Variants in SFMBT1 observed in about 807,000 individuals in gnomAD.
The protein encoded by SFMBT1 is Scm like with four mbt domains 1, also known as scm-like with four MBT domains protein 1.
Under a neutral mutation model 108.7 loss-of-function variants are expected in SFMBT1, and 32 were observed. The observed-to-expected ratio is 0.29, with a 90% CI of 0.22 to 0.40. The LOEUF (loss-of-function observed/expected upper bound fraction) is 0.40. Among genes scored for constraint, SFMBT1 ranks in the 10% least tolerant of loss-of-function variants. SFMBT1 has a pLI of 1.00. For missense variants in SFMBT1, 816 were observed against 1,059.6 expected (o/e 0.77, Z 3.19); for synonymous variants, 348 against 369.5 (o/e 0.94, Z 0.67).
At chr3:52,987,092 A>T (rs1704948850) in intron 1 of SFMBT1, among the ~76,000 whole-genome samples, 1 of 152,138 alleles carries the variant, frequency 6.6e-6, no homozygotes, top group South Asian at 2.1e-4. Context: ...CCACCTCCAC[A>T]TCCTGTCCCA....
At chr3:52,936,589 G>A (rs1375699969) in intron 4 of SFMBT1, among the ~76,000 whole-genome samples, 2 of 152,102 alleles carry the variant, frequency 1.3e-5, no homozygotes, top group Non-Finnish European at 2.9e-5. Context: ...TTGCTTTTTG[G>A]TATGACAAGA....
chr3:52,953,435 AC>A (rs888253450), intron 3 of SFMBT1, among the ~76,000 whole-genome samples: 1 of 100,426 alleles, frequency 1.0e-5, no homozygotes, highest in Non-Finnish European at 2.4e-5. Context: ...CTGACCCCCT[AC>A]CCCCCTCACC....
intron 1 of SFMBT1, among the ~76,000 whole-genome samples, chr3:53,026,058 G>A (rs1223623436): frequency 6.6e-6 from 1 of 152,154 alleles, no homozygotes; most frequent in African/African-American, 2.4e-5. Context: ...ACCCCCAAAT[G>A]CAACTGATCA....
chr3:53,003,777 A>G (rs1438035675), intron 1 of SFMBT1, among the ~76,000 whole-genome samples: 1 of 142,532 alleles, frequency 7.0e-6, no homozygotes, highest in Non-Finnish European at 1.6e-5. Flanking sequence ...AAAAAAAAAG[A>G]AAAGAAACTG....
chr3:52,937,828 G>A lies in SFMBT1; in HGVS notation c.365-2927C>T, dbSNP rs374354614. On this transcript the variant is annotated intron_variant, in intron 4 of 20. Coordinates refer to ENST00000394752, the MANE Select transcript of SFMBT1 (RefSeq NM_016329.4). ...GATCTCCTAACCTCGTGATCCACCC[G>A]CCTCGGCCTCCCAAAGTGCTGGGAT... 7.9e-4 allele frequency among the ~76,000 whole-genome samples: 120 copies of A among 152,086 alleles called. 2 individuals carry two copies. The South Asian group carries it at 0.023, about 30-fold the overall frequency.
chr3:52,945,142 A>AAAAAAAAAAAAAAAAAAAAAAAAAAC (rs1559521034), intron 3 of SFMBT1, among the ~76,000 whole-genome samples: 3 of 147,130 alleles, frequency 2.0e-5, no homozygotes, highest in Non-Finnish European at 4.5e-5. Flanking sequence ...CAATTAAAAA[A>AAAAAAAAAAAAAAAAAAAAAAAAAAC]AAAAAAAAAC....
At chr3:52,922,586 A>G (rs1313379882) in intron 10 of SFMBT1, among the ~76,000 whole-genome samples, 1 of 152,246 alleles carries the variant, frequency 6.6e-6, no homozygotes, top group Non-Finnish European at 1.5e-5. Flanking sequence ...AGCTGGCAGT[A>G]AAGAAAGCTA....
chr3:52,910,901 G>A (rs983302397), intron 17 of SFMBT1, 102 bp downstream of exon 17: 9 of 958,042 alleles, frequency 9.4e-6, no homozygotes, highest in Admixed American at 4.0e-5. Flanking sequence ...GAAGAAGTTC[G>A]TGTGCCTCTG....
chr3:53,008,237 T>C (rs991521438), intron 1 of SFMBT1, among the ~76,000 whole-genome samples: 1 of 152,168 alleles, frequency 6.6e-6, no homozygotes, highest in Non-Finnish European at 1.5e-5. Context: ...TAGAAGAATG[T>C]CCTTACCATT....
At chr3:52,981,570 G>C (rs1036698039) in intron 1 of SFMBT1, among the ~76,000 whole-genome samples, 11 of 147,142 alleles carry the variant, frequency 7.5e-5, no homozygotes, top group Admixed American at 4.1e-4. Context: ...GCAGAGACGA[G>C]GTCTCACTAC....
chr3:52,952,133 C>T (rs977686027), intron 3 of SFMBT1, among the ~76,000 whole-genome samples: 3 of 151,614 alleles, frequency 2.0e-5, no homozygotes, highest in African/African-American at 4.8e-5. Context: ...CTGAGGCGGG[C>T]GGATCACGAG....
chr3:52,934,182 A>G (rs1702938085), intron 5 of SFMBT1, among the ~76,000 whole-genome samples: 1 of 152,182 alleles, frequency 6.6e-6, no homozygotes, highest in Admixed American at 6.5e-5. Context: ...TAAAAAAGAT[A>G]ACAAGTGTTG....
At chr3:52,982,722 C>T (rs1704755225) in intron 1 of SFMBT1, among the ~76,000 whole-genome samples, 1 of 65,694 alleles carries the variant, frequency 1.5e-5, no homozygotes, top group African/African-American at 6.4e-5. Flanking sequence ...GAGCAAGACT[C>T]CCATCTCAAA....
At chr3:52,910,129 T>G (rs1702180693) in intron 17 of SFMBT1, among the ~76,000 whole-genome samples, 1 of 152,112 alleles carries the variant, frequency 6.6e-6, no homozygotes. Flanking sequence ...CTCACTGTCC[T>G]ATTTTGCTTG....
intron 10 of SFMBT1, among the ~76,000 whole-genome samples, chr3:52,922,709 C>T (rs1702555183): frequency 1.3e-5 from 2 of 152,136 alleles, no homozygotes; most frequent in South Asian, 4.2e-4. Flanking sequence ...ATTGGCTCCT[C>T]GACTCCATGC....
chr3:52,986,187 G>C (rs1423250098), intron 1 of SFMBT1, among the ~76,000 whole-genome samples: 1 of 151,582 alleles, frequency 6.6e-6, no homozygotes, highest in Non-Finnish European at 1.5e-5. Context: ...CACTTATATA[G>C]GGCACTTATC....
chr3:52,916,424 C>T (rs1323799699), intron 13 of SFMBT1, among the ~76,000 whole-genome samples: 4 of 143,908 alleles, frequency 2.8e-5, no homozygotes, highest in Non-Finnish European at 4.5e-5. Context: ...AATCCCAGCA[C>T]TTTGGGAGGC....
intron 11 of SFMBT1, 105 bp downstream of exon 11, chr3:52,921,600 C>T (rs1259395140): frequency 1.3e-5 from 16 of 1,221,368 alleles, no homozygotes; most frequent in Admixed American, 1.0e-4. Context: ...TGAACAAGAT[C>T]CCTATTTAAC....
At chr3:52,924,398 A>G (rs1255294336) in intron 10 of SFMBT1, among the ~76,000 whole-genome samples, 1 of 152,026 alleles carries the variant, frequency 6.6e-6, no homozygotes, top group South Asian at 2.1e-4. Context: ...TCCCAGCACT[A>G]CGGGAGGCTG....
Sources: allele counts gnomAD v4.1 joint callset (sites outside exome capture counted in the v4.1 genomes callset), GRCh38; gene constraint gnomAD v4.1.1; transcripts MANE v1.5; gene names NCBI Gene and HGNC (gene_info 2026-07-23, HGNC 2026-07-21).